The following UNC13A variants were observed in gnomAD, a reference collection of about 807,000 sequenced individuals.
UNC13A encodes the protein protein unc-13 homolog A.
In UNC13A, 61 loss-of-function variants were observed where a neutral mutation model predicts 219.7. That is an observed-to-expected ratio of 0.28 (90% confidence interval 0.23 to 0.34). UNC13A has a LOEUF of 0.34. Among genes scored for constraint, UNC13A ranks in the 10% least tolerant of loss-of-function variants. The probability of loss-of-function intolerance (pLI) is 1.00; values close to 1 mark genes in which losing one functional copy is unlikely to be tolerated. For synonymous variants in UNC13A, 920 were observed against 884.6 expected, an observed-to-expected ratio of 1.04 and a Z score of -0.71; for missense variants, 1,476 against 2,270.3, an observed-to-expected ratio of 0.65 and a Z score of 7.11.
At chr19:17,635,913 C>A in intron 26 of UNC13A, 111 bp downstream of exon 26, 1 of 1,339,032 alleles carries the variant, frequency 7.5e-7, no homozygotes, top group Non-Finnish European at 1.0e-6. Context: ...CAATTACCCC[C>A]AGGTGCACAT....
intron 31 of UNC13A, chr19:17,628,308 A>ATGTTTC: frequency 4.5e-6 from 1 of 220,448 alleles, no homozygotes; most frequent in Non-Finnish European, 8.9e-6. Context: ...GACACACTGA[A>ATGTTTC]GGCGTGTGCC....
At chr19:17,658,326 G>A in intron 8 of UNC13A, 57 bp from the exon 9 acceptor site, 1 of 1,517,946 alleles carries the variant, frequency 6.6e-7, no homozygotes, top group Non-Finnish European at 9.0e-7. Flanking sequence ...CACATGATGG[G>A]AGCCAATACA....
chr19:17,623,440 G>T, intron 36 of UNC13A, 102 bp downstream of exon 36: 1 of 872,636 alleles, frequency 1.1e-6, no homozygotes, highest in Non-Finnish European at 1.7e-6. Context: ...TGGGTGAGGA[G>T]GGGGCGCTGG....
At chr19:17,619,456 G>A in intron 38 of UNC13A, among the ~76,000 whole-genome samples, 1 of 140,034 alleles carries the variant, frequency 7.1e-6, no homozygotes, top group African/African-American at 2.7e-5. Flanking sequence ...TTTTTTTTGA[G>A]ACAGAGTCTC....
In UNC13A at chr19:17,656,334, C is replaced by G; in HGVS notation, c.832G>C (p.Glu278Gln). The change falls in exon 10 of 44, where the codon GAG becomes CAG. Residue 278 changes from glutamate (E) to glutamine (Q), a missense_variant. By Grantham distance (29) the Glu-to-Gln change is conservative. Coordinates refer to ENST00000519716, the MANE Select transcript of UNC13A (RefSeq NM_001080421.3). ...ELSQGSSQLSEDFDPDEHSLQ... is the reference protein window; with the variant it reads ...ELSQGSSQLSQDFDPDEHSLQ... ...CTGTGCTCGTCAGGGTCGAAGTCCT[C>G]GCTCAGCTGAGAGCTTCCCTGGCTC... 1 of 1,558,886 alleles carries G rather than the reference C, an allele frequency of 6.4e-7. No homozygotes were observed. Among genetic ancestry groups the G allele is most frequent in the East Asian group, 2.4e-5 (1 of 41,636 alleles).
intron 22 of UNC13A, 48 bp from the exon 23 acceptor site, chr19:17,639,956 C>T (rs1289985599): frequency 1.1e-5 from 18 of 1,594,310 alleles, no homozygotes; most frequent in South Asian, 2.2e-5. Context: ...AGGACATGGC[C>T]GCCATAGTGG....
chr19:17,683,992 A>G (rs1202148255), intron 1 of UNC13A, among the ~76,000 whole-genome samples: 2 of 152,166 alleles, frequency 1.3e-5, no homozygotes, highest in African/African-American at 2.4e-5. Flanking sequence ...GCTACTTGGG[A>G]GGCTGAGGCA....
chr19:17,678,149 C>T (rs2079934964), intron 1 of UNC13A, among the ~76,000 whole-genome samples: 1 of 152,064 alleles, frequency 6.6e-6, no homozygotes, highest in Non-Finnish European at 1.5e-5. Context: ...CCGTGAAGAG[C>T]GGGGGAAGTG....
chr19:17,654,541 A>G (rs1355245499), intron 11 of UNC13A, among the ~76,000 whole-genome samples: 1 of 152,150 alleles, frequency 6.6e-6, no homozygotes, highest in Non-Finnish European at 1.5e-5. Flanking sequence ...TTGGAGGGTA[A>G]CTCTGAAGAG....
chr19:17,643,882 G>A (rs2076996057), intron 19 of UNC13A, among the ~76,000 whole-genome samples: 1 of 152,026 alleles, frequency 6.6e-6, no homozygotes, highest in South Asian at 2.1e-4. Context: ...ACACATCTTA[G>A]ACACTGTTCC....
In UNC13A at chr19:17,647,339, G is replaced by A. The variant is rs766769666; in HGVS notation, c.1970C>T (p.Thr657Met). Residue 657 changes from threonine (T) to methionine (M), a missense_variant, in exon 17 of 44, where the codon ACG becomes ATG. This residue lies in a region of UNC13A where 34 missense variants were observed against 38.7 expected (regional missense o/e 0.88). Coordinates refer to ENST00000519716, the MANE Select transcript of UNC13A (RefSeq NM_001080421.3). The part of the protein sequence containing the change: ...EIFAVTKTAH[T>M]QQMKAVKQSV... The stretch of plus-strand genomic sequence containing the variant: ...CTGCTTGACCGCCTTCATCTGCTGC[G>A]TGTGCGCCGTCTTGGTCACCGCGAA... 1.9e-5 allele frequency: 30 copies of A among 1,612,710 alleles called. No homozygotes were observed. The South Asian group carries it at 2.6e-4, about 14-fold the overall frequency.
At chr19:17,669,943 CTTTTCTTTTTTTTTTTTTT>C in intron 4 of UNC13A, among the ~76,000 whole-genome samples, 1 of 87,402 alleles carries the variant, frequency 1.1e-5, no homozygotes, top group East Asian at 2.9e-4. Context: ...TTTTTCTTTT[CTTTTCTTTTTTTTTTTTTT>C]TTGAGACAGA....
intron 30 of UNC13A, 110 bp downstream of exon 30, chr19:17,630,035 A>T (rs1411158635): frequency 1.6e-6 from 2 of 1,239,500 alleles, no homozygotes; most frequent in Non-Finnish European, 2.2e-6. Context: ...AACCTCAATG[A>T]CATCACCAAC....
chr19:17,669,714 T>G (rs767902924), intron 4 of UNC13A, 38 bp from the exon 5 acceptor site: 1 of 1,578,502 alleles, frequency 6.3e-7, no homozygotes, highest in Non-Finnish European at 8.6e-7. Context: ...GTCAGGAATC[T>G]GCTGGTCACT....
intron 30 of UNC13A, among the ~76,000 whole-genome samples, chr19:17,629,940 C>T (rs895187846): frequency 2.6e-5 from 4 of 151,916 alleles, no homozygotes; most frequent in Non-Finnish European, 5.9e-5. Context: ...AACCTCCATT[C>T]AAACCTCAAC....
Position 17,627,272 on chromosome 19 carries a change from T to C in UNC13A, c.3920+237A>G, listed in dbSNP as rs778665434. Among the ~76,000 whole-genome samples, 6 of 152,138 alleles carry C rather than the reference T, an allele frequency of 3.9e-5. No homozygotes were observed. Among genetic ancestry groups the C allele is most frequent in the Admixed American group, 6.5e-5 (1 of 15,276 alleles). On this transcript the variant is annotated intron_variant, in intron 33 of 43. Transcript: ENST00000519716. This position sits in a 1 kb window ranked among gnomAD's most constrained non-coding sequence, Gnocchi z 4.7. ...TCAAAATCCTACCCAGGTACTATTATTGTCATCACCCCAAATTTACAGAGC... is the reference window on the plus strand; with the variant it reads ...TCAAAATCCTACCCAGGTACTATTACTGTCATCACCCCAAATTTACAGAGC...
chr19:17,656,828 G>A (rs970045344), intron 9 of UNC13A, among the ~76,000 whole-genome samples: 1 of 146,514 alleles, frequency 6.8e-6, no homozygotes, highest in Non-Finnish European at 1.5e-5. Flanking sequence ...CTCCAGCCTG[G>A]GCAACAAGAG....
intron 41 of UNC13A, chr19:17,616,605 G>A: frequency 1.9e-6 from 1 of 515,386 alleles, no homozygotes; most frequent in Non-Finnish European, 3.5e-6. Flanking sequence ...GAGTGAGAGG[G>A]AGGAAAAACA....
intron 12 of UNC13A, among the ~76,000 whole-genome samples, chr19:17,650,690 C>T (rs914803303): frequency 2.0e-5 from 3 of 151,802 alleles, no homozygotes; most frequent in African/African-American, 7.3e-5. Flanking sequence ...GTTGGCCAGG[C>T]TGGTCTCGAA....
Sources: gnomAD v4.1 joint callset for allele counts (sites outside exome capture counted in the v4.1 genomes callset) on GRCh38, gnomAD v4.1.1 for gene constraint, gnomAD v4.1.1 regional missense constraint, Gnocchi (gnomAD v3.1) non-coding constraint, MANE v1.5 for transcripts, NCBI Gene and HGNC (gene_info 2026-07-23, HGNC 2026-07-21) for gene names.